The following CSMD3 variants were observed in gnomAD, a reference collection of about 807,000 sequenced individuals.
CSMD3 encodes the protein CUB and sushi domain-containing protein 3.
Under a neutral mutation model 435.2 loss-of-function variants are expected in CSMD3, and 177 were observed. The ratio of observed to expected loss-of-function variants is 0.41; its 90% CI spans 0.36 to 0.46. CSMD3 has a LOEUF of 0.46. CSMD3 is among the 20% of genes least tolerant of loss of function. The pLI is 0.34. For synonymous variants in CSMD3, 1,656 were observed against 1,520.5 expected, an observed-to-expected ratio of 1.09 and a Z score of -2.07; for missense variants, 4,265 against 4,504.6, an observed-to-expected ratio of 0.95 and a Z score of 1.52.
chr8:113,083,340 CA>C (rs974909024), intron 5 of CSMD3, among the ~76,000 whole-genome samples: 38 of 151,992 alleles, frequency 2.5e-4, no homozygotes, highest in African/African-American at 8.7e-4. Context: ...ATGATATATT[CA>C]AAGTGCTGAA....
At chr8:113,265,232 C>G (rs1451930026) in intron 3 of CSMD3, among the ~76,000 whole-genome samples, 1 of 151,312 alleles carries the variant, frequency 6.6e-6, no homozygotes, top group South Asian at 2.1e-4. Context: ...CCAAGGCCTG[C>G]ATAATGTCTG....
At chr8:112,292,379 G>T (rs568781473) in intron 55 of CSMD3, among the ~76,000 whole-genome samples, 158 bp downstream of exon 55, 2 of 152,142 alleles carry the variant, frequency 1.3e-5, no homozygotes, top group Non-Finnish European at 2.9e-5. Context: ...TTTAGAAAAA[G>T]GAAAGCATTG....
intron 3 of CSMD3, among the ~76,000 whole-genome samples, chr8:113,210,327 C>T (rs1346782570): frequency 6.6e-6 from 1 of 151,926 alleles, no homozygotes; most frequent in Non-Finnish European, 1.5e-5. Context: ...TTTTAGGCTG[C>T]TTCAATCAGA....
chr8:112,415,079 G>A (rs184816223), intron 32 of CSMD3, among the ~76,000 whole-genome samples: 7 of 152,300 alleles, frequency 4.6e-5, no homozygotes, highest in Admixed American at 3.9e-4. Context: ...AAGTAATGAG[G>A]AGCCAGATAT....
In CSMD3 at chr8:113,053,742, A is replaced by C. The variant is rs972854547; in HGVS notation, c.918-34563T>G. The stretch of plus-strand genomic sequence containing the variant: ...TAGAACTTTATACATCAGTGTGTGT[A>C]GTATTTGCTGCTATGTATCATTTCA... On this transcript the variant is annotated intron_variant, in intron 5 of 70. Coordinates refer to ENST00000297405, the MANE Select transcript of CSMD3 (RefSeq NM_198123.2). 5.3e-5 allele frequency among the ~76,000 whole-genome samples: 8 copies of C among 152,260 alleles called. No homozygotes were observed. The East Asian group carries it at 1.5e-3, about 29-fold the overall frequency.
chr8:113,139,215 A>G (rs1034229411), intron 4 of CSMD3, among the ~76,000 whole-genome samples: 1 of 151,162 alleles, frequency 6.6e-6, no homozygotes, highest in East Asian at 1.9e-4. Context: ...AAATAATAAA[A>G]GTAAAATAAC....
chr8:112,318,677 C>T (rs974776839), intron 47 of CSMD3, among the ~76,000 whole-genome samples, 160 bp downstream of exon 47: 2 of 151,958 alleles, frequency 1.3e-5, no homozygotes, highest in African/African-American at 2.4e-5. Flanking sequence ...AAACAGTGGA[C>T]TATTTCTAAA....
chr8:113,322,709 T>A (rs2132714909), intron 1 of CSMD3, among the ~76,000 whole-genome samples: 1 of 152,332 alleles, frequency 6.6e-6, no homozygotes, highest in Non-Finnish European at 1.5e-5. Flanking sequence ...ACATTTTCAA[T>A]GTTATGAAAA....
chr8:112,325,660 A>G (rs1310633531), intron 45 of CSMD3, among the ~76,000 whole-genome samples: 1 of 152,030 alleles, frequency 6.6e-6, no homozygotes, highest in Non-Finnish European at 1.5e-5. Flanking sequence ...GTATATACAT[A>G]TATATTACAT....
intron 35 of CSMD3, among the ~76,000 whole-genome samples, chr8:112,403,997 G>GA (rs1831552824): frequency 1.3e-5 from 2 of 152,020 alleles, no homozygotes; most frequent in East Asian, 1.9e-4. Flanking sequence ...TATTGTCACG[G>GA]AAAAAATAAA....
At chr8:112,322,494 T>A (rs1823091223) in intron 45 of CSMD3, among the ~76,000 whole-genome samples, 1 of 152,104 alleles carries the variant, frequency 6.6e-6, no homozygotes, top group African/African-American at 2.4e-5. Context: ...TGTAATGTCC[T>A]TAACTTCCAA....
rs542186604 is a variant in CSMD3 at position 112,492,359 on chromosome 8, C to T, written c.5278+130G>A. 2.7e-5 allele frequency: 20 copies of T among 742,978 alleles called. No individual in the cohort carries two copies. In the South Asian group the frequency reaches 2.7e-4, roughly 10 times the overall value. 46.0% of individuals were successfully genotyped at this position (742,978 alleles called of 1,614,324 possible). On this transcript the variant is annotated intron_variant, in intron 31 of 70. Transcript: ENST00000297405. ...TCAACTTTAAAATGTTTGATAAAAT[C>T]TCTGCATTGCTAGTACGACACTTGT...
rs1203767515 is a variant in CSMD3 at position 112,871,477 on chromosome 8, T to C, written c.1634-12211A>G. Among the ~76,000 whole-genome samples the C allele has an allele frequency of 4.6e-5, 7 of 151,974 alleles. No individual in the cohort carries two copies. In the East Asian group the frequency reaches 9.7e-4, roughly 21 times the overall value. ...AAAAACGGTTAAAACTTGGAAGAAA[T>C]ATATTATAAAAAAGGGAAATGGAAA... On this transcript the variant is annotated intron_variant, in intron 10 of 70. Transcript: ENST00000297405.
intron 13 of CSMD3, among the ~76,000 whole-genome samples, chr8:112,765,470 C>T (rs556896152): frequency 7.8e-4 from 118 of 151,566 alleles, no homozygotes; most frequent in African/African-American, 2.0e-3. Flanking sequence ...GTACCTGATT[C>T]GGGACACTGT....
intron 4 of CSMD3, among the ~76,000 whole-genome samples, chr8:113,152,815 C>T (rs537540412): frequency 2.6e-5 from 4 of 151,592 alleles, no homozygotes; most frequent in Non-Finnish European, 5.9e-5. Context: ...CCCATCCCTA[C>T]TAAAAATACA....
At chr8:112,371,241 T>A (rs1373576426) in intron 38 of CSMD3, among the ~76,000 whole-genome samples, 1 of 152,134 alleles carries the variant, frequency 6.6e-6, no homozygotes, top group Non-Finnish European at 1.5e-5. Context: ...TCCTTGCTGG[T>A]CTCCTTCTCT....
At chr8:113,130,944 T>C (rs551594919) in intron 4 of CSMD3, among the ~76,000 whole-genome samples, 76 of 152,264 alleles carry the variant, frequency 5.0e-4, no homozygotes, top group African/African-American at 1.8e-3. Flanking sequence ...GCCTCTGCCC[T>C]AGAAATCTGT....
chr8:112,617,687 G>A (rs1833764710), intron 22 of CSMD3, among the ~76,000 whole-genome samples: 1 of 152,108 alleles, frequency 6.6e-6, no homozygotes, highest in East Asian at 1.9e-4. Context: ...TCAAGTTCTA[G>A]TATGTTACCA....
chr8:112,860,527 C>A (rs950059668), intron 10 of CSMD3, among the ~76,000 whole-genome samples: 1 of 151,560 alleles, frequency 6.6e-6, no homozygotes, highest in African/African-American at 2.4e-5. Context: ...TTTTTCTCTC[C>A]CCTTTCACTC....
Sources: gnomAD v4.1 joint callset for allele counts (sites outside exome capture counted in the v4.1 genomes callset) on GRCh38, gnomAD v4.1.1 for gene constraint, MANE v1.5 for transcripts, NCBI Gene and HGNC (gene_info 2026-07-23, HGNC 2026-07-21) for gene names.